Variants in MCUB observed in about 807,000 individuals in gnomAD.
The protein encoded by MCUB is calcium uniporter regulatory subunit MCUb, mitochondrial.
MCUB carries 46 observed loss-of-function variants against 41.4 expected under a neutral mutation model. That is an observed-to-expected ratio of 1.11 (90% confidence interval 0.88 to 1.42). The LOEUF (loss-of-function observed/expected upper bound fraction) is 1.42. MCUB is among the 40% of genes most tolerant of loss of function. MCUB has a pLI of 0.00. For synonymous variants in MCUB, 148 were observed against 148.2 expected, an observed-to-expected ratio of 1.00 and a Z score of 0.01; for missense variants, 403 against 404.9, an observed-to-expected ratio of 1.00 and a Z score of 0.04.
chr4:109,678,704 CGG>C (rs200539557), intron 4 of MCUB, among the ~76,000 whole-genome samples: 3,818 of 129,016 alleles, frequency 0.03, 187 homozygotes, highest in African/African-American at 0.11. Flanking sequence ...ACTTCCCAGA[CGG>C]GGTGGTGGCC....
At chr4:109,596,878 G>C (rs1033401207) in intron 1 of MCUB, among the ~76,000 whole-genome samples, 1 of 151,486 alleles carries the variant, frequency 6.6e-6, no homozygotes, top group Non-Finnish European at 1.5e-5. Context: ...AGGACCCTGC[G>C]GCCTTCCGCA....
chr4:109,625,094 C>G (rs1414086217), intron 1 of MCUB, among the ~76,000 whole-genome samples: 1 of 152,020 alleles, frequency 6.6e-6, no homozygotes, highest in Non-Finnish European at 1.5e-5. Context: ...GAGCTGAGAT[C>G]GCACCACTGC....
At chr4:109,619,294 G>T (rs1420729469) in intron 1 of MCUB, among the ~76,000 whole-genome samples, 1 of 152,096 alleles carries the variant, frequency 6.6e-6, no homozygotes, top group African/African-American at 2.4e-5. Flanking sequence ...GTCTGGGCTG[G>T]TGTCGAACTC....
intron 1 of MCUB, among the ~76,000 whole-genome samples, chr4:109,576,064 G>A (rs1385060439): frequency 6.6e-6 from 1 of 152,176 alleles, no homozygotes; most frequent in Non-Finnish European, 1.5e-5. Flanking sequence ...GCCATTTGGT[G>A]GTGACCATTT....
chr4:109,642,188 T>C (rs996455649), intron 1 of MCUB, among the ~76,000 whole-genome samples: 7 of 152,100 alleles, frequency 4.6e-5, no homozygotes, highest in African/African-American at 1.7e-4. Flanking sequence ...GACAAGCAAA[T>C]ATTATGAACC....
At chr4:109,661,993 A>C (rs902626582) in intron 3 of MCUB, among the ~76,000 whole-genome samples, 1 of 152,198 alleles carries the variant, frequency 6.6e-6, no homozygotes, top group African/African-American at 2.4e-5. Flanking sequence ...AGATGGCACC[A>C]CTGCACTCCA....
At chr4:109,580,038 C>T (rs139796119) in intron 1 of MCUB, among the ~76,000 whole-genome samples, 4 of 152,062 alleles carry the variant, frequency 2.6e-5, no homozygotes, top group Admixed American at 2.6e-4. Flanking sequence ...TTGCCCCCCA[C>T]CCCACAACAG....
intron 1 of MCUB, among the ~76,000 whole-genome samples, chr4:109,581,989 G>C (rs1192970215): frequency 6.6e-6 from 1 of 152,136 alleles, no homozygotes; most frequent in Non-Finnish European, 1.5e-5. Flanking sequence ...CAGGGATCTA[G>C]AACTAGAAAT....
At chr4:109,562,432 C>T (rs951607215) in intron 1 of MCUB, among the ~76,000 whole-genome samples, 4 of 152,126 alleles carry the variant, frequency 2.6e-5, no homozygotes, top group African/African-American at 9.7e-5. Context: ...ATGAGTAAAC[C>T]GATAAAAATA....
chr4:109,574,626 A>G (rs924830318), intron 1 of MCUB, among the ~76,000 whole-genome samples: 7 of 152,160 alleles, frequency 4.6e-5, no homozygotes, highest in Middle Eastern at 3.2e-3. Flanking sequence ...TCCCAGATCT[A>G]TTTTCACAGA....
At chr4:109,564,223 C>G (rs978372788) in intron 1 of MCUB, among the ~76,000 whole-genome samples, 1 of 152,020 alleles carries the variant, frequency 6.6e-6, no homozygotes, top group African/African-American at 2.4e-5. Flanking sequence ...ACCTCCGCCT[C>G]CCGGGTTCAA....
chr4:109,599,809 C>G (rs1341484852), intron 1 of MCUB, among the ~76,000 whole-genome samples: 1 of 152,138 alleles, frequency 6.6e-6, no homozygotes, highest in Non-Finnish European at 1.5e-5. Context: ...GCTGGGATTA[C>G]AGGCGCCTAC....
intron 1 of MCUB, among the ~76,000 whole-genome samples, chr4:109,607,910 GT>G (rs1209087766): frequency 6.6e-6 from 1 of 152,058 alleles, no homozygotes; most frequent in Non-Finnish European, 1.5e-5. Flanking sequence ...TAACTTTCTT[GT>G]ATTTGAATAT....
chr4:109,674,440 T>G (rs907550966), intron 4 of MCUB, among the ~76,000 whole-genome samples: 7 of 152,252 alleles, frequency 4.6e-5, no homozygotes, highest in Non-Finnish European at 7.3e-5. Flanking sequence ...AGGCCAATCC[T>G]GAAGGTACTC....
intron 1 of MCUB, among the ~76,000 whole-genome samples, chr4:109,650,266 T>C (rs551414159): frequency 6.6e-6 from 1 of 152,334 alleles, no homozygotes; most frequent in South Asian, 2.1e-4. Flanking sequence ...TACTAACATG[T>C]CTGAGGATTG....
chr4:109,679,641 A>G (rs973293945), intron 4 of MCUB, among the ~76,000 whole-genome samples: 1 of 152,100 alleles, frequency 6.6e-6, no homozygotes. Flanking sequence ...GGAGTGGGAG[A>G]GGGGGAAACA....
At chr4:109,641,858 A>G (rs1728722711) in intron 1 of MCUB, among the ~76,000 whole-genome samples, 1 of 152,216 alleles carries the variant, frequency 6.6e-6, no homozygotes, top group Non-Finnish European at 1.5e-5. Context: ...ATGTGTTACT[A>G]CCTTCATGTA....
intron 1 of MCUB, chr4:109,560,954 A>G (rs1290710951): frequency 2.0e-5 from 3 of 152,224 alleles, no homozygotes; most frequent in Non-Finnish European, 4.4e-5. Flanking sequence ...TCCCTTTCCC[A>G]GAAGGAAGAA....
intron 1 of MCUB, among the ~76,000 whole-genome samples, chr4:109,647,564 GTTTA>G (rs1413752377): frequency 5.3e-5 from 8 of 152,100 alleles, no homozygotes; most frequent in Admixed American, 6.6e-5. Flanking sequence ...ACGTACCATT[GTTTA>G]TTTATTCATT....
Sources: allele counts gnomAD v4.1 joint callset (sites outside exome capture counted in the v4.1 genomes callset), GRCh38; gene constraint gnomAD v4.1.1; transcripts MANE v1.5; gene names NCBI Gene and HGNC (gene_info 2026-07-23, HGNC 2026-07-21).